MATN2: variants seen among roughly 807,000 people sequenced by gnomAD.
The protein encoded by MATN2 is matrilin-2.
A neutral mutation model predicts 103.2 loss-of-function variants in MATN2; 69 were observed. The observed-to-expected ratio is 0.67, with a 90% CI of 0.55 to 0.82. The LOEUF (loss-of-function observed/expected upper bound fraction) is 0.82, where lower values mean the gene tolerates loss of function less well. Among genes scored for constraint, MATN2 ranks in the 40% least tolerant of loss-of-function variants. The probability of loss-of-function intolerance (pLI) is 0.00; values close to 1 mark genes in which losing one functional copy is unlikely to be tolerated. For synonymous variants in MATN2, 429 were observed against 450.2 expected (o/e 0.95, Z 0.60); for missense variants, 1,023 against 1,211.5 (o/e 0.84, Z 2.31).
At chr8:97,881,057 A>C (rs1818238692) in intron 1 of MATN2, among the ~76,000 whole-genome samples, 1 of 152,212 alleles carries the variant, frequency 6.6e-6, no homozygotes, top group Non-Finnish European at 1.5e-5. Context: ...TGTGGGGATC[A>C]AATGAGATGA....
chr8:97,975,735 A>G (rs1327784770), intron 5 of MATN2, among the ~76,000 whole-genome samples: 1 of 152,210 alleles, frequency 6.6e-6, no homozygotes, highest in Non-Finnish European at 1.5e-5. Flanking sequence ...AATCAAGCCC[A>G]GCATGAGGAA....
chr8:97,972,549 T>C (rs1383157767), intron 5 of MATN2, among the ~76,000 whole-genome samples: 1 of 152,232 alleles, frequency 6.6e-6, no homozygotes, highest in African/African-American at 2.4e-5. Flanking sequence ...CAGCAAACTT[T>C]AAACTCCAAA....
chr8:97,920,949 G>A (rs1399441747), intron 2 of MATN2, among the ~76,000 whole-genome samples: 2 of 152,184 alleles, frequency 1.3e-5, no homozygotes, highest in African/African-American at 4.8e-5. Flanking sequence ...ACATGGGGGT[G>A]ACATGCAAGG....
intron 4 of MATN2, among the ~76,000 whole-genome samples, chr8:97,957,025 A>G (rs551730723): frequency 2.0e-5 from 3 of 152,342 alleles, no homozygotes; most frequent in African/African-American, 7.2e-5. Flanking sequence ...ATAATGGGGC[A>G]GATAGCCGTG....
chr8:98,032,330 A>G lies in MATN2; in HGVS notation c.2581+13A>G. On this transcript the variant is annotated intron_variant, in intron 16 of 18. Transcript: ENST00000254898. ...CAACAGCCAACAGGTACAGTTTTTAAGGCAGTGTTTTTAGAAATTTTGGTG... is the reference window on the plus strand; with the variant it reads ...CAACAGCCAACAGGTACAGTTTTTAGGGCAGTGTTTTTAGAAATTTTGGTG... 1 of 1,601,448 alleles carries G rather than the reference A, an allele frequency of 6.2e-7. No homozygotes were observed. Among genetic ancestry groups the G allele is most frequent in the Admixed American group, 1.7e-5 (1 of 57,906 alleles).
chr8:97,980,244 G>A (rs1408611428), intron 6 of MATN2, among the ~76,000 whole-genome samples: 4 of 152,212 alleles, frequency 2.6e-5, no homozygotes, highest in African/African-American at 9.7e-5. Context: ...TGGTTTATTT[G>A]TTTTGTTTAT....
intron 3 of MATN2, among the ~76,000 whole-genome samples, chr8:97,940,293 A>G (rs1810510817): frequency 1.3e-5 from 2 of 152,148 alleles, no homozygotes; most frequent in African/African-American, 4.8e-5. Context: ...AAATGAGAAA[A>G]CTTCTATTTT....
rs530285407 is a variant in MATN2, at chr8:98,009,375, C to T, written c.1573+1774C>T. On this transcript the variant is annotated intron_variant, in intron 10 of 18. Transcript: ENST00000254898. ...CTACTCTCAATGACAAAGGGCCAGACGACATGACTGCACCTATTTGGTAAA... is the reference window on the plus strand; with the variant it reads ...CTACTCTCAATGACAAAGGGCCAGATGACATGACTGCACCTATTTGGTAAA... 7.9e-5 allele frequency among the ~76,000 whole-genome samples: 12 copies of T among 152,264 alleles called. No homozygotes were observed. The South Asian group carries it at 1.2e-3, about 16-fold the overall frequency.
chr8:97,989,240 C>T (rs576727957), intron 6 of MATN2, among the ~76,000 whole-genome samples: 16 of 152,220 alleles, frequency 1.1e-4, no homozygotes, highest in African/African-American at 2.4e-4. Context: ...GAGGCCGAGG[C>T]GGGCGGATCA....
At chr8:97,914,960 C>G (rs1235315559) in intron 2 of MATN2, among the ~76,000 whole-genome samples, 1 of 152,150 alleles carries the variant, frequency 6.6e-6, no homozygotes, top group African/African-American at 2.4e-5. Context: ...ACTCCAGGCT[C>G]TAGTCACTCG....
chr8:98,009,178 G>A (rs771728450), intron 10 of MATN2, among the ~76,000 whole-genome samples: 1 of 152,210 alleles, frequency 6.6e-6, no homozygotes, highest in Non-Finnish European at 1.5e-5. Context: ...AACCGTATAG[G>A]AGAGATGCAT....
intron 10 of MATN2, among the ~76,000 whole-genome samples, chr8:98,013,626 T>A (rs1171271062): frequency 6.6e-6 from 1 of 152,146 alleles, no homozygotes; most frequent in African/African-American, 2.4e-5. Flanking sequence ...AAACCCTGAA[T>A]CAGAAACAGA....
At chr8:98,004,878 C>G (rs531032511) in intron 8 of MATN2, among the ~76,000 whole-genome samples, 1 of 152,332 alleles carries the variant, frequency 6.6e-6, no homozygotes, top group South Asian at 2.1e-4. Context: ...TATGAGGCAC[C>G]ATCTCCACGG....
chr8:98,014,386 A>G (rs1048541525), intron 10 of MATN2, among the ~76,000 whole-genome samples: 1 of 152,224 alleles, frequency 6.6e-6, no homozygotes, highest in African/African-American at 2.4e-5. Flanking sequence ...CATGTGAGGA[A>G]CTATCCCAAA....
chr8:97,967,267 C>T (rs1163550080), intron 5 of MATN2, among the ~76,000 whole-genome samples: 1 of 152,068 alleles, frequency 6.6e-6, no homozygotes, highest in African/African-American at 2.4e-5. Context: ...CATATTATTC[C>T]ACTCCTGGCC....
chr8:97,979,128 C>T (rs147260148), intron 6 of MATN2, 120 bp downstream of exon 6: 59 of 1,174,970 alleles, frequency 5.0e-5, no homozygotes, highest in Non-Finnish European at 6.2e-5. Context: ...GGGTCTAATA[C>T]CTTTTGCCCC....
chr8:97,961,618 T>A, intron 5 of MATN2, 88 bp downstream of exon 5: 1 of 1,369,756 alleles, frequency 7.3e-7, no homozygotes, highest in Non-Finnish European at 9.6e-7. Context: ...CTCCCACATA[T>A]TTGTTTCCTC....
chr8:97,974,387 C>T (rs1012107729), intron 5 of MATN2, among the ~76,000 whole-genome samples: 32 of 151,296 alleles, frequency 2.1e-4, no homozygotes, highest in African/African-American at 7.1e-4. Flanking sequence ...GATCCACCCA[C>T]CTTGGCCTCC....
chr8:98,035,539 G>A, intron 18 of MATN2, 118 bp from the exon 19 acceptor site: 1 of 585,934 alleles, frequency 1.7e-6, no homozygotes, highest in Non-Finnish European at 3.0e-6. Flanking sequence ...ACAGAAATGG[G>A]AAAAAAAACC....
Sources: allele counts gnomAD v4.1 joint callset (sites outside exome capture counted in the v4.1 genomes callset), GRCh38; gene constraint gnomAD v4.1.1; transcripts MANE v1.5; gene names NCBI Gene and HGNC (gene_info 2026-07-23, HGNC 2026-07-21).